Variants in CNGA2 observed in about 807,000 individuals in gnomAD.
The protein encoded by CNGA2 is cyclic nucleotide gated channel subunit alpha 2.
In CNGA2, 22 loss-of-function variants were observed where a neutral mutation model predicts 35.9. That is an observed-to-expected ratio of 0.61 (90% CI 0.44 to 0.88). The LOEUF (loss-of-function observed/expected upper bound fraction) is 0.88. CNGA2 is among the 40% of genes least tolerant of loss of function. CNGA2 has a pLI of 0.00. For synonymous variants in CNGA2, 217 were observed against 209.2 expected, an observed-to-expected ratio of 1.04 and a Z score of -0.32; for missense variants, 555 against 530.8, an observed-to-expected ratio of 1.05 and a Z score of -0.45.
Position 151,740,907 on chromosome X carries a change from C to A in CNGA2, c.482+6C>A. The A allele has an allele frequency of 1.7e-6, 2 of 1,195,999 alleles. No homozygotes were observed. Among genetic ancestry groups the A allele is most frequent in the Non-Finnish European group, 2.3e-6 (2 of 881,818 alleles). Reference sequence around the variant, plus strand: ...TGGTGCCTGCTGGTGGCCAGGTGAGCAGGGTGGGGCCCAGGAGGGGTGGCC... The same window carrying A: ...TGGTGCCTGCTGGTGGCCAGGTGAGAAGGGTGGGGCCCAGGAGGGGTGGCC... On this transcript the variant is annotated splice_donor_region_variant and intron_variant, in intron 5 of 6. Transcript: ENST00000329903.
intron 1 of CNGA2, 77 bp from the exon 2 acceptor site, chrX:151,738,381 T>C (rs1302809226): frequency 8.7e-6 from 6 of 688,091 alleles, no homozygotes; most frequent in Non-Finnish European, 1.1e-5. Flanking sequence ...TAATCCATCC[T>C]GTTCACTTGC....
chrX:151,744,851 T>C lies in CNGA2; in HGVS notation c.*353T>C, dbSNP rs73640115. ...TTTTCTAACATGTCTTCTGAATGCT[T>C]CCTTTTTCCCTGCACACGCATGTAC... On this transcript the variant is annotated 3_prime_UTR_variant, in exon 7 of 7. Transcript: ENST00000329903. 0.043 allele frequency: 9,414 copies of C among 219,618 alleles called. 649 individuals are homozygous for C. Among genetic ancestry groups the C allele is most frequent in the African/African-American group, 0.22 (7,548 of 34,739 alleles). The allele number at this position is 219,618 out of a possible 1,213,427, so 18.1% of individuals were successfully genotyped here.
chrX:151,739,766 CT>C (rs1215297452), intron 4 of CNGA2, 34 bp downstream of exon 4: 2 of 1,189,805 alleles, frequency 1.7e-6, no homozygotes, highest in African/African-American at 3.5e-5. Flanking sequence ...CTCAAATGGG[CT>C]TTAAGCATGC....
intron 1 of CNGA2, among the ~76,000 whole-genome samples, chrX:151,737,265 G>A (rs1338704009): frequency 2.7e-5 from 3 of 112,103 alleles, no homozygotes; most frequent in African/African-American, 9.7e-5. Context: ...GCAGGGAAGA[G>A]CTCCTCCAAG....
rs2015275213 is a variant in CNGA2, at chrX:151,738,892, A to G, written c.203+13A>G. 31 of 1,139,945 alleles carry G rather than the reference A, an allele frequency of 2.7e-5. No individual in the cohort carries two copies. Among genetic ancestry groups the G allele is most frequent in the Non-Finnish European group, 3.6e-5 (31 of 852,878 alleles). The allele number at this position is 1,139,945 out of a possible 1,213,427, so 93.9% of individuals were successfully genotyped here. On this transcript the variant is annotated intron_variant, in intron 3 of 6. Transcript: ENST00000329903. Reference sequence around the variant, plus strand: ...GTGGCTTCCGCAGGTGGGTCCCACCACTACCCTGCTGCTTCCCCTTCCTGT... The same window carrying G: ...GTGGCTTCCGCAGGTGGGTCCCACCGCTACCCTGCTGCTTCCCCTTCCTGT...
At chrX:151,739,056 G>T (rs185542696) in intron 3 of CNGA2, among the ~76,000 whole-genome samples, 177 bp downstream of exon 3, 1 of 111,922 alleles carries the variant, frequency 8.9e-6, no homozygotes, top group Non-Finnish European at 1.9e-5. Context: ...AAACCCCAAG[G>T]CAGGCAAGCT....
chrX:151,743,029 C>G (rs1278462405), intron 6 of CNGA2, 64 bp from the exon 7 acceptor site: 1 of 317,614 alleles, frequency 3.1e-6, no homozygotes, highest in African/African-American at 9.1e-5. Context: ...TATATATATG[C>G]ACATATATAT....
rs756195328 is a variant in CNGA2, at chrX:151,744,110, G to T, written c.1607G>T (p.Arg536Leu). ...AAGGGCAGTAAAATGGGCAATCGACGCACAGCTAATATCCGCAGCCTGGGC... is the reference window on the plus strand; with the variant it reads ...AAGGGCAGTAAAATGGGCAATCGACTCACAGCTAATATCCGCAGCCTGGGC... ...NIKGSKMGNR[R>L]TANIRSLGYS... is the part of the protein sequence containing the mutation. The change falls in exon 7 of 7, where the codon CGC (arginine) becomes CTC (leucine). Residue 536 changes from arginine to leucine, a missense_variant. Physicochemically the swap from Arg to Leu is moderately radical, Grantham distance 102. Coordinates refer to ENST00000329903, the MANE Select transcript of CNGA2 (RefSeq NM_005140.3). 3 of 1,210,820 alleles carry T rather than the reference G, an allele frequency of 2.5e-6. No homozygotes were observed. Among genetic ancestry groups the T allele is most frequent in the Non-Finnish European group, 3.4e-6 (3 of 895,265 alleles).
At chrX:151,737,223 C>T (rs755426916) in intron 1 of CNGA2, among the ~76,000 whole-genome samples, 1 of 111,931 alleles carries the variant, frequency 8.9e-6, no homozygotes, top group East Asian at 2.9e-4. Context: ...CCATTTCTGC[C>T]CACACCTGGT....
At chrX:151,736,288 G>A (rs1012305693) in intron 1 of CNGA2, among the ~76,000 whole-genome samples, 1 of 112,109 alleles carries the variant, frequency 8.9e-6, no homozygotes, top group Non-Finnish European at 1.9e-5. Flanking sequence ...CCAGACCCCA[G>A]TGAACACTGA....
chrX:151,743,301 C>T lies in CNGA2; in HGVS notation c.798C>T (p.Arg266=), dbSNP rs1455249957. ...AGTTCTTTGACCGGACAGAGACACG[C>T]ACCAACTACCCTAACATCTTCCGCA... ...MFEFFDRTET[R]TNYPNIFRIS... The change falls in exon 7 of 7, where the codon CGC becomes CGT. Residue 266 remains arginine, a synonymous_variant. Transcript: ENST00000329903. 1.7e-6 allele frequency: 2 copies of T among 1,208,941 alleles called. No homozygotes were observed. The highest frequency in any genetic ancestry group is 3.5e-5 in the South Asian group (2 of 56,770).
chrX:151,737,783 C>T (rs1431493724), intron 1 of CNGA2, among the ~76,000 whole-genome samples: 2 of 109,349 alleles, frequency 1.8e-5, no homozygotes, highest in Admixed American at 9.6e-5. Context: ...CCTGTGCCTT[C>T]GCTTTGCAGA....
Position 151,739,549 on chromosome X carries a change from C to T in CNGA2, c.204-13C>T. 1 of 1,204,244 alleles carries T rather than the reference C, an allele frequency of 8.3e-7. No homozygotes were observed. Among genetic ancestry groups the T allele is most frequent in the South Asian group, 1.8e-5 (1 of 55,787 alleles). On this transcript the variant is annotated splice_polypyrimidine_tract_variant and intron_variant, in intron 3 of 6. Coordinates refer to ENST00000329903, the MANE Select transcript of CNGA2 (RefSeq NM_005140.3). ...CTTGGCTCTGGCTCATACTCTTTTT[C>T]TCTCACCTCTAGGATAGTTCGCCTG...
At chrX:151,737,537 C>T (rs929267579) in intron 1 of CNGA2, among the ~76,000 whole-genome samples, 2 of 111,188 alleles carry the variant, frequency 1.8e-5, no homozygotes, top group East Asian at 2.9e-4. Flanking sequence ...CAGATAGTTC[C>T]GCACTCTGCC....
intron 3 of CNGA2, 58 bp from the exon 4 acceptor site, chrX:151,739,504 G>T (rs2015281290): frequency 8.8e-7 from 1 of 1,131,004 alleles, no homozygotes; most frequent in African/African-American, 1.8e-5. Flanking sequence ...GGGGACTGGT[G>T]CTTTCTGAAC....
rs1359381560 is a variant in CNGA2 at position 151,738,807 on chromosome X, A to G, written c.131A>G (p.Asp44Gly). The G allele has an allele frequency of 6.8e-6, 8 of 1,176,591 alleles. No individual in the cohort carries two copies. The highest frequency in any genetic ancestry group is 9.1e-6 in the Non-Finnish European group (8 of 877,143). The change falls in exon 3 of 7, where the codon GAT (aspartate) becomes GGT (glycine). Residue 44 changes from aspartate (D) to glycine (G), a missense_variant. By Grantham distance (94) the Asp-to-Gly change is moderately conservative. Transcript: ENST00000329903. Reference sequence around the variant, plus strand: ...TGCAGGCCACACTCTGCAGCTGACGATGACACCTCCTCAGAACTGCAGAGG... The same window carrying G: ...TGCAGGCCACACTCTGCAGCTGACGGTGACACCTCCTCAGAACTGCAGAGG... ...TSSRPHSAAD[D>G]DTSSELQRLA...
At chrX:151,739,060 G>T (rs2015276848) in intron 3 of CNGA2, among the ~76,000 whole-genome samples, 181 bp downstream of exon 3, 1 of 111,974 alleles carries the variant, frequency 8.9e-6, no homozygotes, top group African/African-American at 3.2e-5. Flanking sequence ...CCCAAGGCAG[G>T]CAAGCTCAGA....
At chrX:151,740,111 A>G (rs2015289502) in intron 4 of CNGA2, among the ~76,000 whole-genome samples, 1 of 112,055 alleles carries the variant, frequency 8.9e-6, no homozygotes, top group African/African-American at 3.2e-5. Context: ...CTTTGAAGAG[A>G]TCATGTAGAG....
Position 151,743,457 on chromosome X carries a change from C to T in CNGA2, c.954C>T (p.Gly318=), listed in dbSNP as rs1231392925. ...VYPNITDPEY[G]YLAREYIYCL... ...CAAACATCACTGACCCTGAGTATGG[C>T]TACCTGGCTAGGGAATACATCTATT... Residue 318 remains glycine (G), a synonymous_variant, in exon 7 of 7, where the codon GGC becomes GGT. Transcript: ENST00000329903. 1 of 1,210,835 alleles carries T rather than the reference C, an allele frequency of 8.3e-7. No individual in the cohort carries two copies. The highest frequency in any genetic ancestry group is 1.7e-5 in the African/African-American group (1 of 57,536).
Sources: gnomAD v4.1 joint callset for allele counts (sites outside exome capture counted in the v4.1 genomes callset) on GRCh38, gnomAD v4.1.1 for gene constraint, MANE v1.5 for transcripts, NCBI Gene and HGNC (gene_info 2026-07-23, HGNC 2026-07-21) for gene names.